Variants in ACYP2 observed in about 807,000 individuals in gnomAD.
The protein encoded by ACYP2 is acylphosphatase 2.
Under a neutral mutation model 11.2 loss-of-function variants are expected in ACYP2, and 12 were observed. That is an observed-to-expected ratio of 1.08 (90% CI 0.69 to 1.74). The LOEUF is 1.74. Ranked by LOEUF, ACYP2 falls within the 40% of genes most tolerant of loss-of-function variation. ACYP2 has a pLI of 0.00. For synonymous variants in ACYP2, 43 were observed against 32.2 expected (o/e 1.33, Z -1.13); for missense variants, 134 against 101.9 (o/e 1.31, Z -1.35).
intron 4 of ACYP2, among the ~76,000 whole-genome samples, chr2:54,126,352 C>T (rs1244397774): frequency 2.0e-5 from 3 of 152,100 alleles, no homozygotes; most frequent in African/African-American, 7.2e-5. Context: ...AGTTTTGTAA[C>T]TGGTCATCTG....
At chr2:54,235,231 G>A (rs1299536911) in intron 6 of ACYP2, among the ~76,000 whole-genome samples, 8 of 151,366 alleles carry the variant, frequency 5.3e-5, no homozygotes, top group Non-Finnish European at 1.2e-4. Flanking sequence ...TGGGGAGAAT[G>A]TTTCCTATTC....
At chr2:54,079,481 T>C (rs768463313) in intron 4 of ACYP2, among the ~76,000 whole-genome samples, 1 of 152,234 alleles carries the variant, frequency 6.6e-6, no homozygotes, top group Non-Finnish European at 1.5e-5. Flanking sequence ...GTCCCTCTCC[T>C]TCTGGATGGC....
intron 4 of ACYP2, among the ~76,000 whole-genome samples, chr2:54,061,487 G>T (rs575667526): frequency 6.6e-6 from 1 of 152,172 alleles, no homozygotes; most frequent in Non-Finnish European, 1.5e-5. Flanking sequence ...AGTTGCTGAT[G>T]ATGTTGTTTT....
chr2:54,276,890 G>A (rs781690067), intron 6 of ACYP2, among the ~76,000 whole-genome samples: 20 of 151,942 alleles, frequency 1.3e-4, no homozygotes, highest in African/African-American at 3.9e-4. Context: ...GGGGTCATCC[G>A]CTACATCCTG....
intron 6 of ACYP2, among the ~76,000 whole-genome samples, chr2:54,240,538 T>C (rs1184866140): frequency 6.6e-6 from 1 of 152,214 alleles, no homozygotes; most frequent in Non-Finnish European, 1.5e-5. Context: ...CCCCTAAAGA[T>C]ATCAATAATT....
At chr2:54,155,799 C>T (rs927294814) in intron 6 of ACYP2, among the ~76,000 whole-genome samples, 6 of 152,108 alleles carry the variant, frequency 3.9e-5, no homozygotes, top group Admixed American at 6.6e-5. Context: ...TTTTAAATTT[C>T]GCTTTTGATT....
chr2:54,074,109 G>T (rs1044321984), intron 4 of ACYP2, among the ~76,000 whole-genome samples: 2 of 152,184 alleles, frequency 1.3e-5, no homozygotes, highest in African/African-American at 4.8e-5. Flanking sequence ...GGAGGCTGAG[G>T]TGAGGAAATT....
intron 6 of ACYP2, among the ~76,000 whole-genome samples, chr2:54,296,653 C>T (rs1443135624): frequency 6.6e-6 from 1 of 152,086 alleles, no homozygotes; most frequent in Admixed American, 6.5e-5. Context: ...TATATTGTTA[C>T]TTTATAACTG....
At chr2:54,055,242 G>A (rs1558498082) in intron 3 of ACYP2, among the ~76,000 whole-genome samples, 2 of 152,000 alleles carry the variant, frequency 1.3e-5, no homozygotes, top group South Asian at 2.1e-4. Flanking sequence ...TCACCATGTT[G>A]GCCAAGCTGG....
At chr2:54,020,223 C>T (rs947798266) in intron 2 of ACYP2, among the ~76,000 whole-genome samples, 1 of 152,212 alleles carries the variant, frequency 6.6e-6, no homozygotes, top group Non-Finnish European at 1.5e-5. Flanking sequence ...AGGCGTGAGC[C>T]ACCGTGCCTG....
At chr2:54,151,775 A>G (rs1682181504) in intron 6 of ACYP2, among the ~76,000 whole-genome samples, 1 of 152,224 alleles carries the variant, frequency 6.6e-6, no homozygotes, top group Admixed American at 6.5e-5. Context: ...TTCATATTTT[A>G]TATATGTGCA....
intron 6 of ACYP2, among the ~76,000 whole-genome samples, chr2:54,220,652 T>G (rs1031801220): frequency 3.3e-5 from 5 of 152,220 alleles, no homozygotes; most frequent in South Asian, 2.1e-4. Flanking sequence ...ACAGTCTGAT[T>G]CAATTGAAAC....
chr2:54,135,984 G>A (rs761204067), intron 5 of ACYP2, among the ~76,000 whole-genome samples: 4 of 152,298 alleles, frequency 2.6e-5, no homozygotes, highest in South Asian at 2.1e-4. Flanking sequence ...TGCAGCCTCC[G>A]CCTTCCAGGC....
chr2:54,063,928 C>T (rs760703185), intron 4 of ACYP2, among the ~76,000 whole-genome samples: 7 of 152,008 alleles, frequency 4.6e-5, no homozygotes, highest in African/African-American at 7.2e-5. Flanking sequence ...GTAGCTGGAG[C>T]GTAGAGAAGG....
At chr2:54,112,034 G>GT (rs1679486624) in intron 4 of ACYP2, among the ~76,000 whole-genome samples, 1 of 152,018 alleles carries the variant, frequency 6.6e-6, no homozygotes, top group Non-Finnish European at 1.5e-5. Context: ...ATAGAGATGT[G>GT]TATTATCTAT....
intron 6 of ACYP2, chr2:54,255,261 G>C (rs771751492): frequency 6.2e-7 from 1 of 1,614,060 alleles, no homozygotes. Flanking sequence ...TTCTTTGAAA[G>C]AAGAACTTAA....
chr2:54,130,520 T>C (rs1680836954), intron 4 of ACYP2, among the ~76,000 whole-genome samples: 1 of 152,148 alleles, frequency 6.6e-6, no homozygotes, highest in Non-Finnish European at 1.5e-5. Flanking sequence ...GAAACCATGT[T>C]GGGTGCTTTA....
chr2:54,030,515 G>GC (rs1218105133), intron 2 of ACYP2: 1 of 155,176 alleles, frequency 6.4e-6, no homozygotes, highest in Non-Finnish European at 1.4e-5. Flanking sequence ...GGAGTGCTAT[G>GC]CAGGCCTGTC....
chr2:54,214,493 G>A (rs112384874), intron 6 of ACYP2, among the ~76,000 whole-genome samples: 2,469 of 152,280 alleles, frequency 0.016, 78 homozygotes, highest in African/African-American at 0.055. Context: ...TTATCGAATA[G>A]GGAGTCCTTT....
Sources: gnomAD v4.1 joint callset for allele counts (sites outside exome capture counted in the v4.1 genomes callset) on GRCh38, gnomAD v4.1.1 for gene constraint, MANE v1.5 for transcripts, NCBI Gene and HGNC (gene_info 2026-07-23, HGNC 2026-07-21) for gene names.